TLK1: variants seen among roughly 807,000 people sequenced by gnomAD.
TLK1 encodes the protein serine/threonine-protein kinase tousled-like 1.
In TLK1, 24 loss-of-function variants were observed where a neutral mutation model predicts 105.3. That is an observed-to-expected ratio of 0.23 (90% confidence interval 0.17 to 0.32). The LOEUF (loss-of-function observed/expected upper bound fraction) is 0.32, where lower values mean the gene tolerates loss of function less well. TLK1 is among the 10% of genes least tolerant of loss of function. The pLI is 1.00. For synonymous variants in TLK1, 321 were observed against 310.4 expected, an observed-to-expected ratio of 1.03 and a Z score of -0.36; for missense variants, 558 against 910.5, an observed-to-expected ratio of 0.61 and a Z score of 4.98.
chr2:171,123,751 G>A (rs1690754042), intron 1 of TLK1, among the ~76,000 whole-genome samples: 1 of 152,206 alleles, frequency 6.6e-6, no homozygotes, highest in Non-Finnish European at 1.5e-5. Flanking sequence ...ATACAGGCTT[G>A]CAGTGAGTCA....
At chr2:171,103,363 C>T (rs1344930699) in intron 2 of TLK1, among the ~76,000 whole-genome samples, 3 of 151,110 alleles carry the variant, frequency 2.0e-5, no homozygotes, top group Admixed American at 6.6e-5. Context: ...CAATCTCCGC[C>T]GCCTCCTGGG....
At chr2:171,094,936 G>A (rs1309236999) in intron 2 of TLK1, among the ~76,000 whole-genome samples, 1 of 152,152 alleles carries the variant, frequency 6.6e-6, no homozygotes, top group African/African-American at 2.4e-5. Context: ...AGGGGGAGAA[G>A]AGGGTAGCAG....
intron 1 of TLK1, among the ~76,000 whole-genome samples, chr2:171,178,912 A>G (rs1319336205): frequency 2.0e-5 from 3 of 152,208 alleles, no homozygotes; most frequent in South Asian, 2.1e-4. Flanking sequence ...TAAATTTTAT[A>G]TATACTTTTT....
At chr2:171,187,893 A>G (rs1397360185) in intron 1 of TLK1, among the ~76,000 whole-genome samples, 1 of 152,220 alleles carries the variant, frequency 6.6e-6, no homozygotes, top group African/African-American at 2.4e-5. Context: ...ATTTAATTAT[A>G]TACCAATAAA....
At chr2:171,108,279 G>A (rs933075602) in intron 2 of TLK1, among the ~76,000 whole-genome samples, 2 of 152,098 alleles carry the variant, frequency 1.3e-5, no homozygotes, top group African/African-American at 4.8e-5. Context: ...CAAATTTTAA[G>A]GGGAACAAAC....
intron 1 of TLK1, among the ~76,000 whole-genome samples, chr2:171,148,787 T>A (rs552561048): frequency 6.6e-6 from 1 of 150,626 alleles, no homozygotes; most frequent in South Asian, 2.1e-4. Context: ...GGCTGAGATG[T>A]GAGAATCATT....
At chr2:171,226,009 C>T (rs1006871722) in intron 1 of TLK1, among the ~76,000 whole-genome samples, 1 of 151,846 alleles carries the variant, frequency 6.6e-6, no homozygotes, top group South Asian at 2.1e-4. Flanking sequence ...AATTATAAAT[C>T]GATATAATAC....
chr2:171,129,830 A>AATAACAAAAC (rs1553481510), intron 1 of TLK1, among the ~76,000 whole-genome samples: 2 of 142,582 alleles, frequency 1.4e-5, no homozygotes, highest in African/African-American at 5.3e-5. Flanking sequence ...TAGGTTACCA[A>AATAACAAAAC]ATAACATAAC....
chr2:171,022,908 G>A (rs1685595322), intron 12 of TLK1: 1 of 358,290 alleles, frequency 2.8e-6, no homozygotes, highest in Non-Finnish European at 5.6e-6. Context: ...CTGTTCAAAA[G>A]GCTTGTAGAC....
In TLK1 at chr2:171,190,939, A is replaced by G. The variant is rs1046075035; in HGVS notation, c.-6+40206T>C. On this transcript the variant is annotated intron_variant, in intron 1 of 20. Coordinates refer to the TLK1 transcript ENST00000521943. ...AGTACTTTGTGGGAGAGGCAGGTGGATCACTTGAGGTCAGGAGTTCAAGAC... is the reference window on the plus strand; with the variant it reads ...AGTACTTTGTGGGAGAGGCAGGTGGGTCACTTGAGGTCAGGAGTTCAAGAC... Among the ~76,000 whole-genome samples, 21 of 152,042 alleles carry G rather than the reference A, an allele frequency of 1.4e-4. 1 individual carries two copies. In the South Asian group the frequency reaches 4.2e-3, roughly 30 times the overall value.
intron 1 of TLK1, among the ~76,000 whole-genome samples, chr2:171,129,501 T>G (rs370366976): frequency 2.6e-5 from 4 of 152,138 alleles, no homozygotes; most frequent in African/African-American, 9.7e-5. Flanking sequence ...AAGTCCAAGT[T>G]GAATACGATC....
At chr2:171,079,115 TG>T (rs1443934755) in intron 3 of TLK1, among the ~76,000 whole-genome samples, 1 of 152,230 alleles carries the variant, frequency 6.6e-6, no homozygotes, top group Non-Finnish European at 1.5e-5. Context: ...AGAGCAGTAG[TG>T]GCTGAGAATC....
intron 14 of TLK1, among the ~76,000 whole-genome samples, chr2:171,009,875 T>C (rs978793906): frequency 6.6e-6 from 1 of 152,186 alleles, no homozygotes; most frequent in African/African-American, 2.4e-5. Flanking sequence ...CAAAGGAGCT[T>C]ATAAAAAGGC....
intron 1 of TLK1, among the ~76,000 whole-genome samples, chr2:171,159,182 AC>A (rs1558974279): frequency 6.6e-6 from 1 of 152,188 alleles, no homozygotes; most frequent in Non-Finnish European, 1.5e-5. Context: ...CATTCACTAG[AC>A]GGTTGAACTT....
At chr2:171,154,492 T>C (rs972450050) in intron 1 of TLK1, 1 of 152,146 alleles carries the variant, frequency 6.6e-6, no homozygotes, top group Non-Finnish European at 1.5e-5. Context: ...GTGCAAATTA[T>C]CTGCTTCCTC....
At chr2:171,148,890 A>AAAAAAT (rs1445171800) in intron 1 of TLK1, among the ~76,000 whole-genome samples, 3 of 138,470 alleles carry the variant, frequency 2.2e-5, no homozygotes, top group African/African-American at 8.1e-5. Flanking sequence ...AAAAAAAAAA[A>AAAAAAT]ATATATATAT....
chr2:171,023,652 C>G (rs1183707021), intron 12 of TLK1, among the ~76,000 whole-genome samples: 1 of 152,144 alleles, frequency 6.6e-6, no homozygotes, highest in Non-Finnish European at 1.5e-5. Context: ...GTTACTGGAC[C>G]TAATAACTTT....
At chr2:171,032,135 T>G (rs1575533164) in intron 11 of TLK1, among the ~76,000 whole-genome samples, 2 of 151,904 alleles carry the variant, frequency 1.3e-5, no homozygotes, top group South Asian at 4.2e-4. Flanking sequence ...CAAACTAACA[T>G]CATAGTTAAT....
intron 10 of TLK1, 30 bp downstream of exon 10, chr2:171,049,784 A>AG (rs1313983868): frequency 6.2e-7 from 1 of 1,610,530 alleles, no homozygotes; most frequent in Admixed American, 1.7e-5. Flanking sequence ...AACGAATACT[A>AG]AAAACTTTTA....
Sources: gnomAD v4.1 joint callset for allele counts (sites outside exome capture counted in the v4.1 genomes callset) on GRCh38, gnomAD v4.1.1 for gene constraint, MANE v1.5 for transcripts, NCBI Gene and HGNC (gene_info 2026-07-23, HGNC 2026-07-21) for gene names.